GLIS3: variants seen among roughly 807,000 people sequenced by gnomAD.
GLIS3 encodes GLIS family zinc finger 3.
GLIS3 carries 53 observed loss-of-function variants against 78.6 expected under a neutral mutation model. The ratio of observed to expected loss-of-function variants is 0.67; its 90% CI spans 0.54 to 0.85. GLIS3 has a LOEUF of 0.85. Among genes scored for constraint, GLIS3 ranks in the 40% least tolerant of loss-of-function variants. The pLI, the probability that GLIS3 is intolerant of heterozygous loss-of-function variation, is 0.00. For synonymous variants in GLIS3, 684 were observed against 509.9 expected (o/e 1.34, Z -4.60); for missense variants, 1,703 against 1,231.1 (o/e 1.38, Z -5.74).
At chr9:4,172,933 C>G (rs1364335653) in intron 2 of GLIS3, among the ~76,000 whole-genome samples, 1 of 152,154 alleles carries the variant, frequency 6.6e-6, no homozygotes, top group East Asian at 1.9e-4. Context: ...TGGTTGGTTG[C>G]TCTTTCGATT....
intron 9 of GLIS3, among the ~76,000 whole-genome samples, chr9:3,855,073 C>G (rs1819678925): frequency 6.6e-6 from 1 of 152,216 alleles, no homozygotes; most frequent in Non-Finnish European, 1.5e-5. Flanking sequence ...AGGACAGTAT[C>G]TCTTCTGCTT....
At position 3,826,471 on chromosome 9, in the gene GLIS3, T is replaced by TG. The variant is rs34028765; in HGVS notation, c.*1800_*1801insC. ...TCTTTTGTAAAGCAGAGCAGGTTTT[T>TG]TAAAGTGGCTAACTCATCTCTTTTG... On this transcript the variant is annotated 3_prime_UTR_variant, in exon 11 of 11. Coordinates refer to ENST00000381971, the MANE Select transcript of GLIS3 (RefSeq NM_001042413.2). The TG allele has an allele frequency of 0.97, 147,635 of 152,294 alleles. 71,760 individuals carry two copies. The highest frequency in any genetic ancestry group is 1 in the Middle Eastern group (294 of 294). The allele number at this position is 152,294 out of a possible 1,614,324, so 9.4% of individuals were successfully genotyped here.
chr9:4,217,961 T>C (rs1436792577), intron 2 of GLIS3, among the ~76,000 whole-genome samples: 1 of 152,230 alleles, frequency 6.6e-6, no homozygotes, highest in African/African-American at 2.4e-5. Flanking sequence ...GCTGTGAGAT[T>C]GAAAAGCTCA....
intron 4 of GLIS3, among the ~76,000 whole-genome samples, chr9:3,974,783 T>C (rs962159576): frequency 2.0e-5 from 3 of 152,160 alleles, no homozygotes; most frequent in Non-Finnish European, 4.4e-5. Flanking sequence ...GAAAAAGAAA[T>C]GAACTCAGTT....
At chr9:4,126,640 C>T (rs1200927448) in intron 2 of GLIS3, among the ~76,000 whole-genome samples, 1 of 152,050 alleles carries the variant, frequency 6.6e-6, no homozygotes, top group Non-Finnish European at 1.5e-5. Context: ...AAAAAGGAAC[C>T]CACAAGAATC....
At chr9:4,042,499 G>T (rs561830607) in intron 4 of GLIS3, among the ~76,000 whole-genome samples, 1 of 152,076 alleles carries the variant, frequency 6.6e-6, no homozygotes, top group African/African-American at 2.4e-5. Flanking sequence ...TTTATTTTGC[G>T]TAAAGAATGA....
At chr9:4,180,790 G>A (rs1393720770) in intron 2 of GLIS3, among the ~76,000 whole-genome samples, 2 of 152,178 alleles carry the variant, frequency 1.3e-5, no homozygotes, top group Non-Finnish European at 2.9e-5. Context: ...ATCCCAAACT[G>A]AGGAGCGGCG....
chr9:4,317,724 T>A (rs958973482), intron 2 of GLIS3, among the ~76,000 whole-genome samples: 5 of 152,242 alleles, frequency 3.3e-5, no homozygotes, highest in Admixed American at 6.5e-5. Context: ...GCAGGCATTA[T>A]TCAAGTTCCT....
At position 4,181,972 on chromosome 9, in the gene GLIS3, T is replaced by G. The variant is rs187062932; in HGVS notation, c.389-56031A>C. 7.9e-5 allele frequency among the ~76,000 whole-genome samples: 12 copies of G among 152,328 alleles called. No homozygotes were observed. The East Asian group carries it at 2.3e-3, about 29-fold the overall frequency. Reference sequence around the variant, plus strand: ...ATTGTGAGAAATAATAAACACGTATTAGCCACTAAGTTTCAGGGTGGATGT... The same window carrying G: ...ATTGTGAGAAATAATAAACACGTATGAGCCACTAAGTTTCAGGGTGGATGT... On this transcript the variant is annotated intron_variant, in intron 2 of 10. Coordinates refer to ENST00000381971, the MANE Select transcript of GLIS3 (RefSeq NM_001042413.2).
At chr9:4,372,033 GC>G in the GLIS3 span, among the ~76,000 whole-genome samples, 7 of 152,130 alleles carry the variant, frequency 4.6e-5, no homozygotes, top group Non-Finnish European at 2.9e-5. Context: ...CTTGGGTCTT[GC>G]CCCCTCCTCT....
chr9:4,083,838 T>G (rs1250305396), intron 4 of GLIS3, among the ~76,000 whole-genome samples: 2 of 152,234 alleles, frequency 1.3e-5, no homozygotes, highest in Non-Finnish European at 2.9e-5. Context: ...TCTTGCCCTA[T>G]GTACCATTTG....
chr9:4,371,097 TA>T, the GLIS3 span, among the ~76,000 whole-genome samples: 2 of 152,214 alleles, frequency 1.3e-5, no homozygotes, highest in Non-Finnish European at 2.9e-5. Context: ...ATTTTTGTAA[TA>T]AGAAAAAAAT....
intron 4 of GLIS3, chr9:4,305,187 AT>A (rs963050072): frequency 1.3e-5 from 2 of 152,076 alleles, no homozygotes; most frequent in Non-Finnish European, 2.9e-5. Flanking sequence ...CCTATTAACC[AT>A]TGCTCTATTA....
chr9:4,239,565 G>T (rs1007649401), intron 2 of GLIS3, among the ~76,000 whole-genome samples: 3 of 152,174 alleles, frequency 2.0e-5, no homozygotes, highest in African/African-American at 7.2e-5. Flanking sequence ...TGGTATCAAG[G>T]TTGAGAACCA....
chr9:4,453,331 G>A, the GLIS3 span, among the ~76,000 whole-genome samples: 1 of 115,072 alleles, frequency 8.7e-6, no homozygotes, highest in African/African-American at 3.1e-5. Context: ...TTAAACTAAA[G>A]AGCTTCTGCA....
the GLIS3 span, among the ~76,000 whole-genome samples, chr9:4,406,267 A>C: frequency 6.6e-6 from 1 of 152,218 alleles, no homozygotes; most frequent in Non-Finnish European, 1.5e-5. Flanking sequence ...TCCCAACTGG[A>C]AAGGAAGAAG....
At chr9:4,359,368 C>T in the GLIS3 span, among the ~76,000 whole-genome samples, 2 of 152,164 alleles carry the variant, frequency 1.3e-5, no homozygotes, top group South Asian at 2.1e-4. Context: ...GAATCACTGT[C>T]CTTAGAAACA....
chr9:4,365,781 G>GA, the GLIS3 span, among the ~76,000 whole-genome samples: 2 of 152,196 alleles, frequency 1.3e-5, no homozygotes, highest in African/African-American at 4.8e-5. Flanking sequence ...TAATATAGTG[G>GA]AAAAATCACG....
At chr9:4,419,385 A>T in the GLIS3 span, among the ~76,000 whole-genome samples, 2 of 152,180 alleles carry the variant, frequency 1.3e-5, no homozygotes, top group African/African-American at 4.8e-5. Flanking sequence ...CAGGAAGCAT[A>T]ATTCCGGCAT....
Sources: allele counts gnomAD v4.1 joint callset (sites outside exome capture counted in the v4.1 genomes callset), GRCh38; gene constraint gnomAD v4.1.1; transcripts MANE v1.5; gene names NCBI Gene and HGNC (gene_info 2026-07-23, HGNC 2026-07-21).